The following WNK2 variants were observed in gnomAD, a reference collection of about 807,000 sequenced individuals.
The protein encoded by WNK2 is serine/threonine-protein kinase WNK2.
A neutral mutation model predicts 192.1 loss-of-function variants in WNK2; 67 were observed. The observed-to-expected ratio is 0.35, with a 90% CI of 0.29 to 0.43. The LOEUF (loss-of-function observed/expected upper bound fraction) is 0.43. Ranked by LOEUF, WNK2 falls within the 20% of genes least tolerant of loss-of-function variation. The pLI is 1.00. For synonymous variants in WNK2, 1,439 were observed against 1,393.9 expected, an observed-to-expected ratio of 1.03 and a Z score of -0.72; for missense variants, 2,698 against 3,089.7, an observed-to-expected ratio of 0.87 and a Z score of 3.01.
chr9:93,206,364 C>T (rs1833386126), intron 2 of WNK2, among the ~76,000 whole-genome samples: 1 of 152,172 alleles, frequency 6.6e-6, no homozygotes, highest in Non-Finnish European at 1.5e-5. Flanking sequence ...GGGAAACCCC[C>T]ACCCCTTCAC....
chr9:93,261,673 C>G, intron 12 of WNK2, 141 bp from the exon 13 acceptor site: 1 of 926,098 alleles, frequency 1.1e-6, no homozygotes, highest in Non-Finnish European at 1.6e-6. Context: ...TGCTCTGAGA[C>G]AGGGACTCCC....
At chr9:93,308,996 G>A (rs570754207) in intron 28 of WNK2, 63 of 1,021,916 alleles carry the variant, frequency 6.2e-5, no homozygotes, top group Middle Eastern at 4.8e-4. Context: ...AGTGACACCA[G>A]CGTCTGGCCA....
intron 28 of WNK2, chr9:93,315,946 T>G (rs1414498200): frequency 6.6e-6 from 1 of 152,210 alleles, no homozygotes; most frequent in Non-Finnish European, 1.5e-5. Context: ...GCTATTGCTT[T>G]AGATCCCATG....
At position 93,298,140 on chromosome 9, in the gene WNK2, C is replaced by T. The variant is rs188214180; in HGVS notation, c.5923+73C>T. On this transcript the variant is annotated intron_variant, in intron 24 of 29. Transcript: ENST00000427277. ...CCGAGTGAGCCTGGGAGGTAGGCTC[C>T]GTGCAGGTGTGACACCCTCGGACCT... is the stretch of plus-strand genomic sequence containing the variant. The T allele has an allele frequency of 3.4e-5, 51 of 1,482,020 alleles. No homozygotes were observed. In the East Asian group the frequency reaches 7.9e-4, roughly 23 times the overall value. The allele number at this position is 1,482,020 out of a possible 1,614,324, so 91.8% of individuals were successfully genotyped here. A position where few individuals can be genotyped will look rare whatever the true frequency, so the allele number is the denominator to read the frequency against.
At chr9:93,273,113 G>C (rs568598006) in intron 19 of WNK2, among the ~76,000 whole-genome samples, 1 of 152,314 alleles carries the variant, frequency 6.6e-6, no homozygotes, top group Admixed American at 6.5e-5. Context: ...AGACTTCAGA[G>C]CAAAGAAATT....
intron 2 of WNK2, among the ~76,000 whole-genome samples, chr9:93,216,749 G>A (rs747932583): frequency 7.5e-5 from 11 of 147,366 alleles, no homozygotes; most frequent in South Asian, 2.1e-4. Context: ...AACCAAGATC[G>A]CACCACTGCA....
intron 28 of WNK2, among the ~76,000 whole-genome samples, chr9:93,311,554 A>G (rs1853642392): frequency 6.6e-6 from 1 of 151,812 alleles, no homozygotes; most frequent in African/African-American, 2.4e-5. Flanking sequence ...ACAGTGCACA[A>G]AGGTTCCAGT....
intron 19 of WNK2, among the ~76,000 whole-genome samples, chr9:93,269,990 G>A (rs1412409710): frequency 6.6e-6 from 1 of 152,238 alleles, no homozygotes; most frequent in Non-Finnish European, 1.5e-5. Flanking sequence ...GAAGGATGGA[G>A]ACATAGGGAT....
At position 93,257,928 on chromosome 9, in the gene WNK2, G is replaced by A. The variant is rs113064645; in HGVS notation, c.2382+789G>A. ...GATTCTAGGTACTCCCGAGGGCTTC[G>A]GTGACCCGGACAGGCTGATCAGTGA... On this transcript the variant is annotated intron_variant, in intron 11 of 29. Coordinates refer to ENST00000427277, the MANE Select transcript of WNK2 (RefSeq NM_006648.4). This position sits in a 1 kb window ranked among gnomAD's most constrained non-coding sequence, Gnocchi z 4.7. Among the ~76,000 whole-genome samples, 94 of 152,320 alleles carry A rather than the reference G, an allele frequency of 6.2e-4. No individual in the cohort carries two copies. The highest frequency in any genetic ancestry group is 2.0e-3 in the African/African-American group (83 of 41,580).
At chr9:93,205,373 C>T (rs1833167298) in intron 2 of WNK2, among the ~76,000 whole-genome samples, 1 of 152,198 alleles carries the variant, frequency 6.6e-6, no homozygotes, top group Non-Finnish European at 1.5e-5. Flanking sequence ...AGCCCCTGGA[C>T]CCCCCAGGTC....
intron 9 of WNK2, among the ~76,000 whole-genome samples, chr9:93,253,329 A>G (rs974408665): frequency 4.6e-5 from 7 of 151,556 alleles, no homozygotes; most frequent in African/African-American, 1.7e-4. Context: ...ACATTCCTGT[A>G]AAGACCTACT....
intron 16 of WNK2, among the ~76,000 whole-genome samples, chr9:93,265,371 A>G (rs1222864681): frequency 6.6e-6 from 1 of 152,166 alleles, no homozygotes; most frequent in Non-Finnish European, 1.5e-5. Flanking sequence ...TTCAACCTCA[A>G]AGGTGGGAGA....
intron 27 of WNK2, chr9:93,307,291 TGTA>T (rs1447107680): frequency 6.0e-6 from 1 of 167,418 alleles, no homozygotes; most frequent in Non-Finnish European, 1.3e-5. Flanking sequence ...GAACTTTTCA[TGTA>T]GGAATAGCTC....
intron 28 of WNK2, 59 bp from the exon 29 acceptor site, chr9:93,317,461 G>A: frequency 6.4e-7 from 1 of 1,560,776 alleles, no homozygotes. Context: ...GGGCCACTAA[G>A]GGAGGCCAGC....
At chr9:93,299,926 G>C in intron 25 of WNK2, 125 bp from the exon 26 acceptor site, 1 of 726,706 alleles carries the variant, frequency 1.4e-6, no homozygotes, top group Non-Finnish European at 2.4e-6. Flanking sequence ...GCTCCGGGCT[G>C]GGCTAGATGG....
chr9:93,254,501 C>T (rs1186272596), intron 9 of WNK2, among the ~76,000 whole-genome samples: 1 of 152,226 alleles, frequency 6.6e-6, no homozygotes, highest in Non-Finnish European at 1.5e-5. Flanking sequence ...CTTCCCAGGC[C>T]TGCTCAGTCG....
chr9:93,239,393 C>A lies in WNK2; in HGVS notation c.1323-364C>A, dbSNP rs1318101776. 6.6e-6 allele frequency among the ~76,000 whole-genome samples: 1 copy of A among 152,260 alleles called. No individual in the cohort carries two copies. Among genetic ancestry groups the A allele is most frequent in the Non-Finnish European group, 1.5e-5 (1 of 68,048 alleles). ...TTTTAGACCTACCCAGGACTAAACA[C>A]TAAAATGTTTCAGTTGTGTCTTCTG... On this transcript the variant is annotated intron_variant, in intron 6 of 29. Coordinates refer to ENST00000427277, the MANE Select transcript of WNK2 (RefSeq NM_006648.4). The surrounding 1 kb of genome is among the most constrained non-coding windows in gnomAD (Gnocchi z 4.2).
intron 2 of WNK2, among the ~76,000 whole-genome samples, chr9:93,211,415 A>AC (rs1332612159): frequency 7.5e-6 from 1 of 133,126 alleles, no homozygotes; most frequent in African/African-American, 2.9e-5. Context: ...CCACTTACCC[A>AC]CCACTCATTC....
At chr9:93,296,391 C>T (rs1221113595) in intron 23 of WNK2, among the ~76,000 whole-genome samples, 10 of 14,804 alleles carry the variant, frequency 6.8e-4, no homozygotes, top group Admixed American at 6.6e-4. Context: ...CCTCCCCCTC[C>T]ATCCTCCCCT....
Sources: allele counts gnomAD v4.1 joint callset (sites outside exome capture counted in the v4.1 genomes callset), GRCh38; gene constraint gnomAD v4.1.1; non-coding constraint Gnocchi (gnomAD v3.1); transcripts MANE v1.5; gene names NCBI Gene and HGNC (gene_info 2026-07-23, HGNC 2026-07-21).